The following DNAJC3 variants were observed in gnomAD, a reference collection of about 807,000 sequenced individuals.
The protein encoded by DNAJC3 is dnaJ homolog subfamily C member 3.
A neutral mutation model predicts 68.6 loss-of-function variants in DNAJC3; 38 were observed. That is an observed-to-expected ratio of 0.55 (90% CI 0.43 to 0.73). The LOEUF (loss-of-function observed/expected upper bound fraction) is 0.73, where lower values mean the gene tolerates loss of function less well. DNAJC3 is among the 30% of genes least tolerant of loss of function. The pLI is 0.00. For missense variants in DNAJC3, 526 were observed against 591.9 expected (o/e 0.89, Z 1.16); for synonymous variants, 203 against 204.0 (o/e 1.00, Z 0.04).
chr13:95,737,064 A>C (rs1328954472), intron 4 of DNAJC3, among the ~76,000 whole-genome samples: 3 of 151,532 alleles, frequency 2.0e-5, no homozygotes. Context: ...CTTTTTCTGC[A>C]TCTATTGAGA....
At chr13:95,781,338 T>C (rs1384780352) in intron 9 of DNAJC3, among the ~76,000 whole-genome samples, 1 of 152,094 alleles carries the variant, frequency 6.6e-6, no homozygotes, top group Non-Finnish European at 1.5e-5. Flanking sequence ...AGTTGCCTTA[T>C]AGCTACTTCA....
At chr13:95,696,964 G>GT (rs991404947) in intron 1 of DNAJC3, among the ~76,000 whole-genome samples, 3 of 152,034 alleles carry the variant, frequency 2.0e-5, no homozygotes, top group African/African-American at 4.8e-5. Context: ...CCAGTGTCTT[G>GT]TTTTTTTATC....
chr13:95,691,233 G>C (rs1431414994), intron 1 of DNAJC3, among the ~76,000 whole-genome samples: 2 of 151,916 alleles, frequency 1.3e-5, no homozygotes, highest in African/African-American at 2.4e-5. Flanking sequence ...TGGCTGCCGG[G>C]CGGAGACGCT....
intron 2 of DNAJC3, among the ~76,000 whole-genome samples, 167 bp from the exon 3 acceptor site, chr13:95,723,075 T>C (rs77442531): frequency 0.017 from 2,570 of 152,184 alleles, 37 homozygotes; most frequent in South Asian, 0.048. Context: ...TAGGTCTATT[T>C]GCACTGATCT....
rs533796228 is a variant in DNAJC3 at position 95,725,247 on chromosome 13, A to C, written c.388A>C (p.Lys130Gln). ...TGATGAAGCAGAAGATGATTTTAAA[A>C]AAGTGGTAAGTTCAATATGTATTTG... ...KLDEAEDDFK[K>Q]VLKSNPSENE... The change falls in exon 4 of 12, where the codon AAA becomes CAA. Residue 130 changes from lysine (K) to glutamine (Q), a missense_variant. Lys to Gln is a moderately conservative substitution (Grantham distance 53, BLOSUM62 1). Coordinates refer to ENST00000602402, the MANE Select transcript of DNAJC3 (RefSeq NM_006260.5). The C allele has an allele frequency of 6.3e-7, 1 of 1,593,842 alleles. No individual in the cohort carries two copies. Among genetic ancestry groups the C allele is most frequent in the Admixed American group, 1.8e-5 (1 of 54,936 alleles).
At chr13:95,764,681 TATACACACACAC>T (rs1183896500) in intron 9 of DNAJC3, among the ~76,000 whole-genome samples, 3 of 110,044 alleles carry the variant, frequency 2.7e-5, no homozygotes, top group African/African-American at 1.3e-4. Context: ...TATATATATA[TATACACACACAC>T]ACATATATAT....
rs1883892184 is a variant in DNAJC3 at position 95,794,237 on chromosome 13, C to T, written c.*3207C>T. The T allele has an allele frequency of 6.6e-6, 1 of 152,068 alleles. No homozygotes were observed. The highest frequency in any genetic ancestry group is 2.1e-4 in the South Asian group (1 of 4,826). The allele number at this position is 152,068 out of a possible 1,614,324, so 9.4% of individuals were successfully genotyped here. A position where few individuals can be genotyped will look rare whatever the true frequency, so the allele number is the denominator to read the frequency against. The stretch of plus-strand genomic sequence containing the variant: ...TGGTAAAAAAGGTAGCCAATAAAAC[C>T]ACAATTTGAAATTGATACCATTTTC... On this transcript the variant is annotated 3_prime_UTR_variant, in exon 12 of 12. Coordinates refer to ENST00000602402, the MANE Select transcript of DNAJC3 (RefSeq NM_006260.5).
intron 1 of DNAJC3, among the ~76,000 whole-genome samples, chr13:95,684,845 C>T (rs1465391082): frequency 6.6e-6 from 1 of 152,238 alleles, no homozygotes; most frequent in East Asian, 1.9e-4. Flanking sequence ...TGGAAGATTC[C>T]ACATGCTGTT....
intron 4 of DNAJC3, chr13:95,745,789 T>C (rs1195998786): frequency 6.6e-6 from 1 of 152,212 alleles, no homozygotes; most frequent in Non-Finnish European, 1.5e-5. Flanking sequence ...GCTTGTTATT[T>C]AGGTTGACAC....
At chr13:95,763,545 G>C in intron 7 of DNAJC3, 98 bp from the exon 8 acceptor site, 7 of 1,136,104 alleles carry the variant, frequency 6.2e-6, no homozygotes, top group Middle Eastern at 2.0e-4. Flanking sequence ...CATCCAATTG[G>C]ATTGATTAAG....
At chr13:95,722,651 G>T (rs1007018519) in intron 2 of DNAJC3, among the ~76,000 whole-genome samples, 3 of 151,068 alleles carry the variant, frequency 2.0e-5, no homozygotes, top group Non-Finnish European at 4.4e-5. Context: ...GGTGGAATAC[G>T]CCTGTTGTCT....
intron 1 of DNAJC3, chr13:95,693,340 C>T (rs148717628): frequency 6.6e-6 from 1 of 152,166 alleles, no homozygotes; most frequent in Non-Finnish European, 1.5e-5. Flanking sequence ...ACGTGATATA[C>T]CAATACCTGA....
At chr13:95,746,930 T>C (rs1397467406) in intron 4 of DNAJC3, among the ~76,000 whole-genome samples, 1 of 152,214 alleles carries the variant, frequency 6.6e-6, no homozygotes, top group Non-Finnish European at 1.5e-5. Flanking sequence ...ATTGCTGTCT[T>C]AGTCTTAAAT....
intron 4 of DNAJC3, among the ~76,000 whole-genome samples, chr13:95,750,682 G>A (rs1844740171): frequency 6.6e-6 from 1 of 151,738 alleles, no homozygotes; most frequent in African/African-American, 2.4e-5. Context: ...GCTAATTTTT[G>A]TATTTTTTAG....
At chr13:95,706,410 A>T (rs1880750531) in intron 1 of DNAJC3, among the ~76,000 whole-genome samples, 1 of 152,226 alleles carries the variant, frequency 6.6e-6, no homozygotes, top group Admixed American at 6.5e-5. Context: ...CTCCTGGTCT[A>T]GCACCTTTAG....
chr13:95,709,318 TCA>T lies in DNAJC3; in HGVS notation c.175_176del (p.Gln59ValfsTer8). 6.3e-7 allele frequency: 1 copy of T among 1,589,236 alleles called. No homozygotes were observed. The highest frequency in any genetic ancestry group is 8.6e-7 in the Non-Finnish European group (1 of 1,169,360). On this transcript the variant is annotated frameshift_variant, in exon 2 of 12. Coordinates refer to ENST00000602402, the MANE Select transcript of DNAJC3 (RefSeq NM_006260.5). LOFTEE classifies it high-confidence loss of function. ...CTGGACAGCTAGCTGATGCTTTATC[TCA>T]GTTTCATGCTGCCGTAGGTTTGTAT... The part of the protein sequence containing the change: ...AAGQLADALS[Q>X]FHAAVDGDPD...
chr13:95,741,242 G>C (rs1032976530), intron 4 of DNAJC3, among the ~76,000 whole-genome samples: 1 of 152,108 alleles, frequency 6.6e-6, no homozygotes, highest in Non-Finnish European at 1.5e-5. Context: ...CTTAAGATGT[G>C]TTTGTGATTT....
chr13:95,677,255 C>T lies in DNAJC3; in HGVS notation c.-1C>T, dbSNP rs1402800038. The T allele has an allele frequency of 6.2e-7, 1 of 1,602,762 alleles. No homozygotes were observed. The highest frequency in any genetic ancestry group is 1.4e-5 in the African/African-American group (1 of 73,060). Reference sequence around the variant, plus strand: ...TCCTCTTCACTCGCGAGCCCTCGGACATGGTGGCCCCCGGCTCCGTGACCA... The same window carrying T: ...TCCTCTTCACTCGCGAGCCCTCGGATATGGTGGCCCCCGGCTCCGTGACCA... On this transcript the variant is annotated 5_prime_UTR_variant, in exon 1 of 12. Coordinates refer to ENST00000602402, the MANE Select transcript of DNAJC3 (RefSeq NM_006260.5).
intron 7 of DNAJC3, among the ~76,000 whole-genome samples, chr13:95,763,399 T>C (rs1031447764): frequency 2.0e-5 from 3 of 152,232 alleles, no homozygotes; most frequent in African/African-American, 4.8e-5. Context: ...GTACTTATAC[T>C]CACAGGTATG....
Sources: allele counts gnomAD v4.1 joint callset (sites outside exome capture counted in the v4.1 genomes callset), GRCh38; gene constraint gnomAD v4.1.1; transcripts MANE v1.5; gene names NCBI Gene and HGNC (gene_info 2026-07-23, HGNC 2026-07-21).